Variants in FAM149A observed in about 807,000 individuals in gnomAD.
The protein encoded by FAM149A is protein FAM149A.
In FAM149A, 71 loss-of-function variants were observed where a neutral mutation model predicts 78.2. The observed-to-expected ratio is 0.91, with a 90% CI of 0.75 to 1.11. FAM149A has a LOEUF of 1.11. FAM149A is among the 50% of genes least tolerant of loss of function. The probability of loss-of-function intolerance (pLI) is 0.00; values close to 1 mark genes in which losing one functional copy is unlikely to be tolerated. For synonymous variants in FAM149A, 446 were observed against 410.5 expected (o/e 1.09, Z -1.04); for missense variants, 1,036 against 971.0 (o/e 1.07, Z -0.89).
intron 1 of FAM149A, among the ~76,000 whole-genome samples, chr4:186,143,049 G>GGT (rs1250494380): frequency 6.6e-6 from 1 of 151,664 alleles, no homozygotes; most frequent in Non-Finnish European, 1.5e-5. Context: ...ACCTACTATG[G>GGT]GTGTTAAATA....
intron 13 of FAM149A, 110 bp downstream of exon 13, chr4:186,167,372 G>T (rs1175711107): frequency 9.3e-7 from 1 of 1,070,658 alleles, no homozygotes; most frequent in Non-Finnish European, 1.5e-6. Context: ...GCTGTAGGAG[G>T]GAATAGCAAA....
chr4:186,141,246 T>C (rs1032383858), intron 1 of FAM149A, among the ~76,000 whole-genome samples: 1 of 152,232 alleles, frequency 6.6e-6, no homozygotes, highest in Admixed American at 6.5e-5. Context: ...ATATTAGACC[T>C]TTGTTGGATG....
At chr4:186,158,657 G>A in intron 8 of FAM149A, 2 of 488,968 alleles carry the variant, frequency 4.1e-6, no homozygotes, top group South Asian at 7.6e-5. Flanking sequence ...GTTGAGGGTG[G>A]AGACCCAGCC....
chr4:186,153,531 T>C, intron 4 of FAM149A, 114 bp from the exon 5 acceptor site: 1 of 1,500,154 alleles, frequency 6.7e-7, no homozygotes, highest in Non-Finnish European at 9.0e-7. Context: ...CACGTTCCCA[T>C]ACACATCTTA....
chr4:186,110,341 C>CCTCAGGGATGAACGGTGG (rs531918662), intron 1 of FAM149A: 47,084 of 981,010 alleles, frequency 0.048, 1,311 homozygotes, highest in Non-Finnish European at 0.053. Flanking sequence ...CTTAGCATTT[C>CCTCAGGGATGAACGGTGG]CTCAGGGATG....
chr4:186,111,772 A>G (rs999549454), intron 1 of FAM149A, among the ~76,000 whole-genome samples: 3 of 151,508 alleles, frequency 2.0e-5, no homozygotes, highest in Non-Finnish European at 4.4e-5. Flanking sequence ...TTTTGGTACC[A>G]GTACCATGCT....
At chr4:186,145,691 C>T (rs1235120308) in intron 1 of FAM149A, among the ~76,000 whole-genome samples, 2 of 152,144 alleles carry the variant, frequency 1.3e-5, no homozygotes, top group South Asian at 2.1e-4. Flanking sequence ...GCACTTCAGT[C>T]CACCCTACGA....
At position 186,154,559 on chromosome 4, in the gene FAM149A, G is replaced by T. The variant is rs1733878209; in HGVS notation, c.1150G>T (p.Ala384Ser). ...TGACACAGGGGTTGCTGACCTAACG[G>T]CACGTTCATCCCTGGAAGAAGAGGT... The change falls in exon 6 of 14, where the codon GCA (alanine) becomes TCA (serine). Residue 384 changes from alanine (A) to serine (S), a missense_variant. By Grantham distance (99) the Ala-to-Ser change is moderately conservative. This residue lies in a region of FAM149A where 716 missense variants were observed against 711.8 expected (regional missense o/e 1.01). Coordinates refer to ENST00000389354, the MANE Select transcript of FAM149A (RefSeq NM_001367768.3). 1 of 1,614,154 alleles carries T rather than the reference G, an allele frequency of 6.2e-7. No individual in the cohort carries two copies. Among genetic ancestry groups the T allele is most frequent in the Non-Finnish European group, 8.5e-7 (1 of 1,180,022 alleles).
chr4:186,159,932 C>T (rs955308974), intron 8 of FAM149A, among the ~76,000 whole-genome samples: 39 of 150,310 alleles, frequency 2.6e-4, no homozygotes, highest in South Asian at 2.1e-4. Flanking sequence ...CACACACACA[C>T]CACACACAGA....
intron 8 of FAM149A, among the ~76,000 whole-genome samples, chr4:186,160,158 C>T (rs1452289331): frequency 6.4e-5 from 9 of 141,264 alleles, no homozygotes; most frequent in Admixed American, 1.4e-4. Flanking sequence ...ACACACTACA[C>T]GCACACACAC....
intron 1 of FAM149A, among the ~76,000 whole-genome samples, chr4:186,120,150 T>C (rs2099315357): frequency 6.6e-6 from 1 of 152,234 alleles, no homozygotes; most frequent in East Asian, 1.9e-4. Flanking sequence ...AAGTAACGGC[T>C]GGTATTTCAG....
chr4:186,135,786 G>A (rs1300073135), intron 1 of FAM149A, among the ~76,000 whole-genome samples: 1 of 152,162 alleles, frequency 6.6e-6, no homozygotes, highest in Admixed American at 6.5e-5. Context: ...CAACAATTTG[G>A]AAGACCTGTG....
intron 1 of FAM149A, chr4:186,125,151 C>A: frequency 1.9e-6 from 1 of 538,958 alleles, no homozygotes; most frequent in Non-Finnish European, 2.4e-6. Context: ...TGTCCACAGC[C>A]ATACAAGTCA....
intron 8 of FAM149A, among the ~76,000 whole-genome samples, chr4:186,160,200 TACAC>T (rs979913775): frequency 1.2e-5 from 1 of 80,536 alleles, no homozygotes; most frequent in African/African-American, 5.0e-5. Flanking sequence ...ATACACACAC[TACAC>T]ACACACCACT....
chr4:186,167,829 G>A (rs1052689157), intron 13 of FAM149A, among the ~76,000 whole-genome samples: 2 of 152,144 alleles, frequency 1.3e-5, no homozygotes, highest in South Asian at 4.1e-4. Context: ...GGAGTCTGAC[G>A]TTGGATTTCC....
At chr4:186,165,269 G>GTTATCCATGTGTGC in intron 10 of FAM149A, 75 bp from the exon 11 acceptor site, 1 of 1,548,870 alleles carries the variant, frequency 6.5e-7, no homozygotes, top group Non-Finnish European at 8.9e-7. Context: ...TGAAATCACA[G>GTTATCCATGTGTGC]CTCTTGGCAG....
In FAM149A at chr4:186,126,315, G is replaced by T. The variant is rs1029640051; in HGVS notation, c.566+20673G>T. Among the ~76,000 whole-genome samples the T allele has an allele frequency of 8.5e-5, 13 of 152,250 alleles. No homozygotes were observed. The South Asian group carries it at 2.7e-3, about 32-fold the overall frequency. On this transcript the variant is annotated intron_variant, in intron 1 of 13. Coordinates refer to ENST00000389354, the MANE Select transcript of FAM149A (RefSeq NM_001367768.3). ...TCTCTCAGCTTCTCTACCATATGGT[G>T]GTGTGACGGTCAATTTTATGTGTCA...
chr4:186,153,687 C>T lies in FAM149A; in HGVS notation c.975C>T (p.Val325=). ...TGATCCTGCCCACTGACAAAGGCGT[C>T]CAGCATTTCCAGGGCAGCACTCCTG... Residue 325 remains valine (V), a synonymous_variant, in exon 5 of 14, where the codon GTC becomes GTT. Coordinates refer to ENST00000389354, the MANE Select transcript of FAM149A (RefSeq NM_001367768.3). 1 of 1,614,088 alleles carries T rather than the reference C, an allele frequency of 6.2e-7. No homozygotes were observed. The highest frequency in any genetic ancestry group is 8.5e-7 in the Non-Finnish European group (1 of 1,179,926).
At chr4:186,171,890 T>C in intron 13 of FAM149A, 24 bp from the exon 14 acceptor site, 1 of 1,595,614 alleles carries the variant, frequency 6.3e-7, no homozygotes, top group Non-Finnish European at 8.5e-7. Flanking sequence ...TTAATGAGAA[T>C]TACCTTTTGC....
Sources: allele counts gnomAD v4.1 joint callset (sites outside exome capture counted in the v4.1 genomes callset), GRCh38; gene constraint gnomAD v4.1.1; regional missense constraint gnomAD v4.1.1; transcripts MANE v1.5; gene names NCBI Gene and HGNC (gene_info 2026-07-23, HGNC 2026-07-21).